RBMS3: variants seen among roughly 807,000 people sequenced by gnomAD.
RBMS3 encodes the protein RNA-binding motif, single-stranded-interacting protein 3.
RBMS3 carries 27 observed loss-of-function variants against 66.8 expected under a neutral mutation model. The ratio of observed to expected loss-of-function variants is 0.40; its 90% confidence interval spans 0.30 to 0.56. The LOEUF is 0.56. Ranked by LOEUF, RBMS3 falls within the 20% of genes least tolerant of loss-of-function variation. The pLI is 0.40. For missense variants in RBMS3, 513 were observed against 549.5 expected (o/e 0.93, Z 0.66); for synonymous variants, 188 against 183.0 (o/e 1.03, Z -0.22).
intron 1 of RBMS3, among the ~76,000 whole-genome samples, chr3:29,421,118 A>T (rs991464547): frequency 3.0e-5 from 3 of 100,582 alleles, no homozygotes; most frequent in African/African-American, 1.3e-4. Flanking sequence ...GTCCCTAAAG[A>T]AAAAAAAAAA....
intron 2 of RBMS3, among the ~76,000 whole-genome samples, chr3:29,462,670 A>G (rs746024279): frequency 3.3e-5 from 5 of 152,222 alleles, no homozygotes; most frequent in Non-Finnish European, 7.3e-5. Context: ...TTTAACAATA[A>G]CAATAAAGCT....
intron 6 of RBMS3, among the ~76,000 whole-genome samples, chr3:29,771,661 G>A (rs1269640729): frequency 6.6e-6 from 1 of 151,982 alleles, no homozygotes; most frequent in East Asian, 1.9e-4. Context: ...AACTACCTGA[G>A]GCTGGGTAAT....
chr3:29,334,545 C>T (rs1180917589), intron 1 of RBMS3, among the ~76,000 whole-genome samples: 1 of 151,910 alleles, frequency 6.6e-6, no homozygotes, highest in East Asian at 1.9e-4. Context: ...GATGATAAAT[C>T]AAAAACTAAT....
At chr3:29,332,107 T>G (rs1381150038) in intron 1 of RBMS3, among the ~76,000 whole-genome samples, 1 of 152,072 alleles carries the variant, frequency 6.6e-6, no homozygotes, top group Non-Finnish European at 1.5e-5. Flanking sequence ...GATAACAGTC[T>G]TTGTGACTGC....
chr3:29,862,445 G>A (rs1270629547), intron 6 of RBMS3, among the ~76,000 whole-genome samples: 5 of 152,122 alleles, frequency 3.3e-5, no homozygotes, highest in Admixed American at 1.3e-4. Flanking sequence ...CCTATGATCA[G>A]TTTCTACCCT....
At chr3:29,359,881 T>A (rs1281560478) in intron 1 of RBMS3, among the ~76,000 whole-genome samples, 1 of 152,238 alleles carries the variant, frequency 6.6e-6, no homozygotes, top group Non-Finnish European at 1.5e-5. Flanking sequence ...TTCTATGGGA[T>A]CAGTGGTGAT....
chr3:29,702,207 T>C (rs1462839449), intron 4 of RBMS3, among the ~76,000 whole-genome samples: 1 of 151,908 alleles, frequency 6.6e-6, no homozygotes, highest in Non-Finnish European at 1.5e-5. Flanking sequence ...AGCTAAAGGA[T>C]TGTAAATCCA....
intron 1 of RBMS3, among the ~76,000 whole-genome samples, chr3:29,407,159 G>T (rs2040056432): frequency 6.6e-6 from 1 of 152,188 alleles, no homozygotes; most frequent in South Asian, 2.1e-4. Context: ...TGATAACAAT[G>T]ACCAACAATC....
intron 10 of RBMS3, among the ~76,000 whole-genome samples, chr3:29,910,135 C>T (rs2060479879): frequency 1.3e-5 from 2 of 151,922 alleles, no homozygotes; most frequent in African/African-American, 4.8e-5. Flanking sequence ...TGTTAAATAT[C>T]CAATCTATTA....
In RBMS3 at chr3:30,007,353, T is replaced by G. The variant is rs193276255; in HGVS notation, c.*3491T>G. ...TTTCTTTAAGTTGAAGTTAATTTTC[T>G]GTGCATTCTGGTCCACCAGATTTTC... On this transcript the variant is annotated 3_prime_UTR_variant, in exon 15 of 15. Transcript: ENST00000383767. 6.6e-6 allele frequency: 1 copy of G among 152,192 alleles called. No homozygotes were observed. The highest frequency in any genetic ancestry group is 2.4e-5 in the African/African-American group (1 of 41,542). The allele number at this position is 152,192 out of a possible 1,614,324, so 9.4% of individuals were successfully genotyped here. A position where few individuals can be genotyped will look rare whatever the true frequency, so the allele number is the denominator to read the frequency against.
At position 29,458,306 on chromosome 3, in the gene RBMS3, G is replaced by C. The variant is rs73828666; in HGVS notation, c.248+23391G>C. ...ATAGATATATAGCCAGAGATGCACA[G>C]TATTTATCTGTATATTATATGTTAA... On this transcript the variant is annotated intron_variant, in intron 2 of 14. Coordinates refer to ENST00000383767, the MANE Select transcript of RBMS3 (RefSeq NM_001003793.3). Among the ~76,000 whole-genome samples, 1,285 of 152,222 alleles carry C rather than the reference G, an allele frequency of 8.4e-3. 20 individuals are homozygous for C. The highest frequency in any genetic ancestry group is 0.026 in the African/African-American group (1,073 of 41,536).
intron 1 of RBMS3, among the ~76,000 whole-genome samples, chr3:29,328,332 G>T (rs1407308647): frequency 6.6e-6 from 1 of 152,194 alleles, no homozygotes; most frequent in African/African-American, 2.4e-5. Context: ...TTATGTGTTA[G>T]AAGTGGTAGA....
intron 5 of RBMS3, among the ~76,000 whole-genome samples, chr3:29,762,252 C>T (rs1385143825): frequency 2.0e-5 from 3 of 152,096 alleles, no homozygotes; most frequent in African/African-American, 7.2e-5. Flanking sequence ...TCTATACCTT[C>T]CTTCAACATG....
intron 3 of RBMS3, among the ~76,000 whole-genome samples, chr3:29,529,818 T>G (rs1365967768): frequency 6.6e-6 from 1 of 152,198 alleles, no homozygotes; most frequent in Non-Finnish European, 1.5e-5. Context: ...ACGGGATTTT[T>G]TAAGTTAATG....
intron 6 of RBMS3, among the ~76,000 whole-genome samples, chr3:29,809,531 T>A (rs1249907304): frequency 2.0e-5 from 3 of 151,976 alleles, no homozygotes; most frequent in African/African-American, 7.2e-5. Context: ...TGTCAATACT[T>A]CTGCCAATGC....
chr3:29,323,691 TACAC>T (rs10565045), intron 1 of RBMS3, among the ~76,000 whole-genome samples: 15,403 of 144,224 alleles, frequency 0.11, 867 homozygotes, highest in African/African-American at 0.13. Flanking sequence ...CACACACACA[TACAC>T]ACACACACAC....
intron 3 of RBMS3, among the ~76,000 whole-genome samples, chr3:29,495,173 T>G (rs978276188): frequency 1.3e-5 from 2 of 152,058 alleles, no homozygotes; most frequent in Non-Finnish European, 2.9e-5. Context: ...ATGACACTTA[T>G]TTTATAGAGA....
At chr3:29,564,105 C>G (rs1474141550) in intron 3 of RBMS3, among the ~76,000 whole-genome samples, 1 of 151,994 alleles carries the variant, frequency 6.6e-6, no homozygotes, top group African/African-American at 2.4e-5. Flanking sequence ...GTGATTGAGT[C>G]TTTTAAAACA....
chr3:29,548,144 T>C (rs2046037562), intron 3 of RBMS3, among the ~76,000 whole-genome samples: 1 of 152,038 alleles, frequency 6.6e-6, no homozygotes, highest in South Asian at 2.1e-4. Context: ...AAAAAGTTAA[T>C]GAAGGTGACC....
Sources: gnomAD v4.1 joint callset for allele counts (sites outside exome capture counted in the v4.1 genomes callset) on GRCh38, gnomAD v4.1.1 for gene constraint, MANE v1.5 for transcripts, NCBI Gene and HGNC (gene_info 2026-07-23, HGNC 2026-07-21) for gene names.